The following NKAIN2 variants were observed in gnomAD, a reference collection of about 807,000 sequenced individuals.
NKAIN2 encodes the protein sodium/potassium transporting ATPase interacting 2, also known as sodium/potassium-transporting ATPase subunit beta-1-interacting protein 2.
NKAIN2 carries 14 observed loss-of-function variants against 32.6 expected under a neutral mutation model. The observed-to-expected ratio is 0.43, with a 90% CI of 0.28 to 0.67. NKAIN2 has a LOEUF of 0.67. Ranked by LOEUF, NKAIN2 falls within the 30% of genes least tolerant of loss-of-function variation. NKAIN2 has a pLI of 0.17. For missense variants in NKAIN2, 198 were observed against 258.3 expected, an observed-to-expected ratio of 0.77 and a Z score of 1.60; for synonymous variants, 80 against 87.2, an observed-to-expected ratio of 0.92 and a Z score of 0.46.
intron 1 of NKAIN2, among the ~76,000 whole-genome samples, chr6:124,073,438 A>C (rs1304812037): frequency 6.6e-6 from 1 of 152,176 alleles, no homozygotes; most frequent in Non-Finnish European, 1.5e-5. Flanking sequence ...ATTATTGTAT[A>C]ATTTATTAAT....
chr6:124,409,425 G>A (rs1241669478), intron 3 of NKAIN2, among the ~76,000 whole-genome samples: 1 of 152,048 alleles, frequency 6.6e-6, no homozygotes, highest in Non-Finnish European at 1.5e-5. Context: ...TTTTGTCAAA[G>A]GCCTTTTCTG....
intron 1 of NKAIN2, among the ~76,000 whole-genome samples, chr6:124,053,912 A>G (rs1323873528): frequency 6.6e-6 from 1 of 152,078 alleles, no homozygotes; most frequent in East Asian, 1.9e-4. Context: ...GGTGAGAACA[A>G]CAGTAAGACT....
intron 5 of NKAIN2, among the ~76,000 whole-genome samples, chr6:124,806,305 A>G (rs1780557325): frequency 6.6e-6 from 1 of 152,250 alleles, no homozygotes; most frequent in Non-Finnish European, 1.5e-5. Context: ...CAGAAACTCT[A>G]CAAGCCAGAA....
intron 3 of NKAIN2, among the ~76,000 whole-genome samples, chr6:124,372,583 C>T (rs1799812924): frequency 6.6e-6 from 1 of 152,256 alleles, no homozygotes; most frequent in East Asian, 1.9e-4. Flanking sequence ...AGGAAACATA[C>T]ATTTTGGAAA....
chr6:124,403,655 A>G (rs1028788871), intron 3 of NKAIN2, among the ~76,000 whole-genome samples: 3 of 152,210 alleles, frequency 2.0e-5, no homozygotes, highest in African/African-American at 7.2e-5. Flanking sequence ...ATTAGAGTGA[A>G]CAAGTCATAA....
intron 3 of NKAIN2, among the ~76,000 whole-genome samples, chr6:124,640,246 G>C (rs565893469): frequency 6.6e-6 from 1 of 152,124 alleles, no homozygotes. Flanking sequence ...TAATGGTGGG[G>C]AACTATTGAG....
intron 2 of NKAIN2, among the ~76,000 whole-genome samples, chr6:124,338,568 AT>A (rs1335579215): frequency 6.6e-6 from 1 of 152,038 alleles, no homozygotes; most frequent in African/African-American, 2.4e-5. Flanking sequence ...CATTTTGACA[AT>A]TTTTTCACAA....
At chr6:124,353,474 G>T (rs1798824439) in intron 2 of NKAIN2, among the ~76,000 whole-genome samples, 1 of 152,094 alleles carries the variant, frequency 6.6e-6, no homozygotes, top group Non-Finnish European at 1.5e-5. Context: ...AGAGGCACAG[G>T]CCGGGCGTGG....
chr6:124,155,061 G>T (rs1787912960), intron 1 of NKAIN2, among the ~76,000 whole-genome samples: 2 of 152,100 alleles, frequency 1.3e-5, no homozygotes, highest in Admixed American at 6.5e-5. Flanking sequence ...ATTGCTGATT[G>T]ACCTAGATTA....
chr6:124,303,086 A>G (rs1239323905), intron 2 of NKAIN2, among the ~76,000 whole-genome samples: 1 of 152,216 alleles, frequency 6.6e-6, no homozygotes, highest in Non-Finnish European at 1.5e-5. Context: ...ATCTTTCAGG[A>G]GAGAGGATCT....
intron 1 of NKAIN2, among the ~76,000 whole-genome samples, chr6:123,990,193 C>T (rs930996212): frequency 2.0e-5 from 3 of 152,174 alleles, no homozygotes; most frequent in Non-Finnish European, 4.4e-5. Flanking sequence ...GATCCAGTTA[C>T]CTCTACCTGG....
chr6:124,076,200 G>C (rs1783689089), intron 1 of NKAIN2, among the ~76,000 whole-genome samples: 1 of 152,170 alleles, frequency 6.6e-6, no homozygotes, highest in Non-Finnish European at 1.5e-5. Flanking sequence ...ATTTACAACT[G>C]AGGAGATGAG....
At chr6:124,769,031 G>A (rs551347064) in intron 4 of NKAIN2, among the ~76,000 whole-genome samples, 1 of 152,182 alleles carries the variant, frequency 6.6e-6, no homozygotes, top group East Asian at 1.9e-4. Context: ...GTCACATGTT[G>A]TTTCTTTCTT....
intron 1 of NKAIN2, among the ~76,000 whole-genome samples, chr6:124,226,470 G>T (rs957833430): frequency 6.6e-6 from 1 of 151,860 alleles, no homozygotes; most frequent in Non-Finnish European, 1.5e-5. Flanking sequence ...TGTTACCCTT[G>T]TAACATTTCT....
At chr6:124,814,662 GC>G (rs1364680985) in intron 5 of NKAIN2, among the ~76,000 whole-genome samples, 1 of 152,022 alleles carries the variant, frequency 6.6e-6, no homozygotes, top group Non-Finnish European at 1.5e-5. Context: ...CGCATCACAG[GC>G]TCAGGACACC....
intron 1 of NKAIN2, among the ~76,000 whole-genome samples, chr6:124,131,387 C>T (rs1025853741): frequency 6.6e-6 from 1 of 152,168 alleles, no homozygotes; most frequent in African/African-American, 2.4e-5. Context: ...GCAGGATTAA[C>T]ATGCATCTCC....
chr6:124,777,512 G>A (rs991983821), intron 4 of NKAIN2, among the ~76,000 whole-genome samples: 13 of 152,128 alleles, frequency 8.5e-5, no homozygotes, highest in Non-Finnish European at 1.9e-4. Context: ...AAGAATTTAT[G>A]CATAAACAGT....
intron 1 of NKAIN2, among the ~76,000 whole-genome samples, chr6:123,967,640 C>A (rs1778145716): frequency 6.6e-6 from 1 of 151,480 alleles, no homozygotes; most frequent in Non-Finnish European, 1.5e-5. Flanking sequence ...CCAACAAAGC[C>A]AATGTAACAT....
At chr6:124,631,922 T>TAAA (rs1414349421) in intron 3 of NKAIN2, among the ~76,000 whole-genome samples, 2 of 152,156 alleles carry the variant, frequency 1.3e-5, no homozygotes, top group Non-Finnish European at 2.9e-5. Flanking sequence ...CAGACAACTG[T>TAAA]AAAAGATCCC....
Sources: allele counts gnomAD v4.1 joint callset (sites outside exome capture counted in the v4.1 genomes callset), GRCh38; gene constraint gnomAD v4.1.1; transcripts MANE v1.5; gene names NCBI Gene and HGNC (gene_info 2026-07-23, HGNC 2026-07-21).